CREB5: variants seen among roughly 807,000 people sequenced by gnomAD.
CREB5 encodes cAMP responsive element binding protein 5, also known as cyclic AMP-responsive element-binding protein 5.
A neutral mutation model predicts 57.1 loss-of-function variants in CREB5; 19 were observed. The ratio of observed to expected loss-of-function variants is 0.33; its 90% CI spans 0.23 to 0.49. The LOEUF (loss-of-function observed/expected upper bound fraction) is 0.49, where lower values mean the gene tolerates loss of function less well. CREB5 is among the 20% of genes least tolerant of loss of function. The probability of loss-of-function intolerance (pLI) is 0.99; values close to 1 mark genes in which losing one functional copy is unlikely to be tolerated. For missense variants in CREB5, 579 were observed against 671.6 expected, an observed-to-expected ratio of 0.86 and a Z score of 1.52; for synonymous variants, 238 against 238.3, an observed-to-expected ratio of 1.00 and a Z score of 0.01.
intron 1 of CREB5, among the ~76,000 whole-genome samples, chr7:28,358,023 G>T (rs1273161186): frequency 6.6e-6 from 1 of 152,240 alleles, no homozygotes; most frequent in African/African-American, 2.4e-5. Flanking sequence ...AGTTTTGGGG[G>T]TTCTACAGTG....
chr7:28,472,919 C>A (rs1375050623), intron 1 of CREB5, among the ~76,000 whole-genome samples: 1 of 152,174 alleles, frequency 6.6e-6, no homozygotes, highest in African/African-American at 2.4e-5. Context: ...AGCCTTCTTT[C>A]AGTCCCTCAG....
chr7:28,667,046 G>A lies in CREB5; in HGVS notation c.465-51707G>A, dbSNP rs73304929. Among the ~76,000 whole-genome samples, 452 of 152,160 alleles carry A rather than the reference G, an allele frequency of 3.0e-3. 1 individual carries two copies. Among genetic ancestry groups the A allele is most frequent in the African/African-American group, 0.01 (421 of 41,512 alleles). On this transcript the variant is annotated intron_variant, in intron 5 of 10. Coordinates refer to ENST00000357727, the MANE Select transcript of CREB5 (RefSeq NM_182898.4). Reference sequence around the variant, plus strand: ...TAGGTCACCAGCGACAAGACTTGGGGATCTGCTTTTTTGTGAAGAGTGAAA... The same window carrying A: ...TAGGTCACCAGCGACAAGACTTGGGAATCTGCTTTTTTGTGAAGAGTGAAA...
intron 1 of CREB5, among the ~76,000 whole-genome samples, chr7:28,357,900 G>C (rs147734186): frequency 3.3e-5 from 5 of 152,230 alleles, no homozygotes; most frequent in African/African-American, 1.2e-4. Flanking sequence ...GGGTATTTTG[G>C]GGTGTTATGG....
At chr7:28,775,926 AATATT>A (rs1393894200) in intron 7 of CREB5, among the ~76,000 whole-genome samples, 4 of 152,170 alleles carry the variant, frequency 2.6e-5, no homozygotes, top group African/African-American at 9.7e-5. Flanking sequence ...AGAGCCAGAA[AATATT>A]ATCACCTTTT....
At chr7:28,628,683 A>G (rs1306360117) in intron 5 of CREB5, among the ~76,000 whole-genome samples, 1 of 152,168 alleles carries the variant, frequency 6.6e-6, no homozygotes, top group Non-Finnish European at 1.5e-5. Context: ...AGCAGCATCC[A>G]AGGTGCTAGA....
At chr7:28,339,356 CAGT>C (rs1785888571) in intron 1 of CREB5, among the ~76,000 whole-genome samples, 1 of 152,156 alleles carries the variant, frequency 6.6e-6, no homozygotes, top group Admixed American at 6.5e-5. Context: ...CACTCAAGCC[CAGT>C]AACACTACGA....
At chr7:28,658,990 A>ATAT (rs1562554757) in intron 5 of CREB5, among the ~76,000 whole-genome samples, 1 of 65,184 alleles carries the variant, frequency 1.5e-5, no homozygotes. Flanking sequence ...TGTATATATA[A>ATAT]GTCATAATTT....
intron 1 of CREB5, among the ~76,000 whole-genome samples, chr7:28,328,958 A>C (rs1785662644): frequency 6.6e-6 from 1 of 152,162 alleles, no homozygotes; most frequent in Non-Finnish European, 1.5e-5. Context: ...AAGCCAGTTG[A>C]ATTTTGCCGG....
intron 7 of CREB5, chr7:28,726,622 G>A (rs1803351853): frequency 6.6e-6 from 1 of 152,056 alleles, no homozygotes; most frequent in Admixed American, 6.6e-5. Context: ...TTTTCTTCCT[G>A]TGTAAGACTG....
intron 5 of CREB5, among the ~76,000 whole-genome samples, chr7:28,583,184 C>A (rs891108871): frequency 6.6e-6 from 1 of 152,198 alleles, no homozygotes; most frequent in Admixed American, 6.5e-5. Flanking sequence ...AAGGGCTCTT[C>A]AGCAAGAGCA....
chr7:28,453,795 A>G (rs1789952487), intron 1 of CREB5, among the ~76,000 whole-genome samples: 1 of 152,222 alleles, frequency 6.6e-6, no homozygotes, highest in Non-Finnish European at 1.5e-5. Flanking sequence ...TGGAGGTGCA[A>G]GCTGCCCCCA....
At chr7:28,734,206 C>CAAAAAA (rs61403862) in intron 7 of CREB5, among the ~76,000 whole-genome samples, 38 of 96,324 alleles carry the variant, frequency 3.9e-4, no homozygotes, top group East Asian at 2.1e-3. Context: ...TTCAGTAGTT[C>CAAAAAA]AAAAAAAAAA....
intron 1 of CREB5, among the ~76,000 whole-genome samples, chr7:28,435,151 T>C (rs1242138053): frequency 1.3e-5 from 2 of 148,148 alleles, no homozygotes; most frequent in Non-Finnish European, 3.0e-5. Context: ...TTTTGGACAC[T>C]TAAGTAACTG....
chr7:28,515,155 C>T (rs114266387), intron 4 of CREB5, among the ~76,000 whole-genome samples: 80 of 152,188 alleles, frequency 5.3e-4, no homozygotes, highest in African/African-American at 1.9e-3. Flanking sequence ...TGATTTGGGC[C>T]TCTTCAGTTA....
At chr7:28,466,923 G>T (rs968733067) in intron 1 of CREB5, among the ~76,000 whole-genome samples, 12 of 152,206 alleles carry the variant, frequency 7.9e-5, no homozygotes, top group African/African-American at 2.9e-4. Context: ...CACTTGAAGG[G>T]GTAATCAAAG....
intron 5 of CREB5, among the ~76,000 whole-genome samples, chr7:28,581,901 G>A (rs1562810784): frequency 6.6e-6 from 1 of 152,204 alleles, no homozygotes; most frequent in Non-Finnish European, 1.5e-5. Flanking sequence ...CACAGATGTA[G>A]TGCCAGGGTG....
chr7:28,722,093 A>G (rs534980910), intron 6 of CREB5, among the ~76,000 whole-genome samples: 189 of 152,362 alleles, frequency 1.2e-3, no homozygotes, highest in African/African-American at 4.4e-3. Context: ...GACGACAGTC[A>G]TGAAGTTGGA....
At chr7:28,328,124 A>G (rs1785642702) in intron 1 of CREB5, among the ~76,000 whole-genome samples, 1 of 152,214 alleles carries the variant, frequency 6.6e-6, no homozygotes, top group African/African-American at 2.4e-5. Flanking sequence ...CCTGCAAACC[A>G]GAGTCAGTTG....
intron 4 of CREB5, among the ~76,000 whole-genome samples, chr7:28,539,472 C>T (rs962910964): frequency 3.3e-5 from 5 of 152,296 alleles, no homozygotes; most frequent in South Asian, 4.1e-4. Flanking sequence ...GGCACAAAAT[C>T]GGTAAAAGAC....
Sources: gnomAD v4.1 joint callset for allele counts (sites outside exome capture counted in the v4.1 genomes callset) on GRCh38, gnomAD v4.1.1 for gene constraint, MANE v1.5 for transcripts, NCBI Gene and HGNC (gene_info 2026-07-23, HGNC 2026-07-21) for gene names.